PPARGC1A: variants seen among roughly 807,000 people sequenced by gnomAD.
PPARGC1A encodes the protein PPARG coactivator 1 alpha.
PPARGC1A carries 25 observed loss-of-function variants against 88.7 expected under a neutral mutation model. That is an observed-to-expected ratio of 0.28 (90% CI 0.21 to 0.39). The LOEUF (loss-of-function observed/expected upper bound fraction) is 0.39, where lower values mean the gene tolerates loss of function less well. Among genes scored for constraint, PPARGC1A ranks in the 10% least tolerant of loss-of-function variants. The pLI, the probability that PPARGC1A is intolerant of heterozygous loss-of-function variation, is 1.00. For missense variants in PPARGC1A, 880 were observed against 968.7 expected (o/e 0.91, Z 1.22); for synonymous variants, 363 against 355.6 (o/e 1.02, Z -0.24).
At chr4:24,166,838 G>C in the PPARGC1A span, among the ~76,000 whole-genome samples, 11 of 152,126 alleles carry the variant, frequency 7.2e-5, no homozygotes. Flanking sequence ...ACTTCTCATT[G>C]ACAATACACC....
chr4:24,095,076 C>T, the PPARGC1A span, among the ~76,000 whole-genome samples: 3 of 151,626 alleles, frequency 2.0e-5, no homozygotes, highest in African/African-American at 7.3e-5. Flanking sequence ...GTCCTAACCC[C>T]CATTACTTTA....
the PPARGC1A span, among the ~76,000 whole-genome samples, chr4:24,137,565 C>G: frequency 6.6e-6 from 1 of 152,118 alleles, no homozygotes; most frequent in Non-Finnish European, 1.5e-5. Context: ...ATTGCCTAAA[C>G]AGGATACAGT....
chr4:24,182,627 G>A, the PPARGC1A span, among the ~76,000 whole-genome samples: 236 of 152,208 alleles, frequency 1.6e-3, no homozygotes, highest in African/African-American at 5.3e-3. Context: ...GTGTAAAAGC[G>A]TCCCTATTTC....
At chr4:24,435,482 T>C in the PPARGC1A span, among the ~76,000 whole-genome samples, 2 of 152,140 alleles carry the variant, frequency 1.3e-5, no homozygotes, top group Non-Finnish European at 2.9e-5. Context: ...CTCACCTAGA[T>C]CATGGCTCCC....
chr4:24,306,950 G>T, the PPARGC1A span, among the ~76,000 whole-genome samples: 9 of 152,224 alleles, frequency 5.9e-5, no homozygotes, highest in African/African-American at 2.2e-4. Context: ...CCAGGGTACT[G>T]AAAAATTGAA....
chr4:24,411,831 C>T, the PPARGC1A span, among the ~76,000 whole-genome samples: 1 of 152,184 alleles, frequency 6.6e-6, no homozygotes, highest in African/African-American at 2.4e-5. Flanking sequence ...TCCTCCATGT[C>T]TTTTCATGCT....
intron 10 of PPARGC1A, among the ~76,000 whole-genome samples, chr4:23,807,776 A>C (rs1403590040): frequency 2.6e-5 from 4 of 151,880 alleles, no homozygotes; most frequent in African/African-American, 9.7e-5. Flanking sequence ...TGTGAATAAC[A>C]TGAAATCTAT....
intron 5 of PPARGC1A, 28 bp downstream of exon 5, chr4:23,828,372 C>T (rs1399851241): frequency 6.3e-7 from 1 of 1,592,344 alleles, no homozygotes; most frequent in Admixed American, 1.7e-5. Flanking sequence ...GTGCCCTCAC[C>T]AACAGCTCGT....
chr4:24,459,590 G>A, the PPARGC1A span, among the ~76,000 whole-genome samples: 1 of 152,084 alleles, frequency 6.6e-6, no homozygotes, highest in Non-Finnish European at 1.5e-5. Flanking sequence ...AGGAGTTCGA[G>A]ACCAGCCTGG....
chr4:23,934,080 A>C, the PPARGC1A span, among the ~76,000 whole-genome samples: 1 of 152,184 alleles, frequency 6.6e-6, no homozygotes, highest in Non-Finnish European at 1.5e-5. Context: ...GCAGTCTCAA[A>C]GTTTTAAAGG....
At chr4:24,057,805 A>G in the PPARGC1A span, among the ~76,000 whole-genome samples, 1 of 152,258 alleles carries the variant, frequency 6.6e-6, no homozygotes, top group Non-Finnish European at 1.5e-5. Flanking sequence ...CGAGCTGAGT[A>G]GGCCCAGTGT....
the PPARGC1A span, among the ~76,000 whole-genome samples, chr4:24,168,628 AACAC>A: frequency 2.0e-5 from 3 of 148,260 alleles, no homozygotes; most frequent in Admixed American, 6.7e-5. Flanking sequence ...CACACACACA[AACAC>A]ACAGACATAG....
At chr4:24,175,375 GTTT>G in the PPARGC1A span, among the ~76,000 whole-genome samples, 1 of 114,984 alleles carries the variant, frequency 8.7e-6, no homozygotes. Flanking sequence ...TCTTTGTTTC[GTTT>G]TTTTTTTTTT....
chr4:24,270,887 C>A, the PPARGC1A span, among the ~76,000 whole-genome samples: 9 of 152,064 alleles, frequency 5.9e-5, no homozygotes, highest in Non-Finnish European at 1.3e-4. Context: ...TTAAATAATT[C>A]TTTCTGGTTT....
chr4:24,342,690 T>G, the PPARGC1A span, among the ~76,000 whole-genome samples: 3 of 152,192 alleles, frequency 2.0e-5, no homozygotes, highest in Non-Finnish European at 4.4e-5. Context: ...GCAAAGTGAT[T>G]AAAAACAAAA....
the PPARGC1A span, among the ~76,000 whole-genome samples, chr4:24,297,566 A>C: frequency 2.6e-5 from 4 of 152,220 alleles, no homozygotes; most frequent in African/African-American, 7.2e-5. Context: ...GGGTCAATGC[A>C]AAAATGATTC....
At chr4:23,981,661 C>T in the PPARGC1A span, among the ~76,000 whole-genome samples, 8 of 152,168 alleles carry the variant, frequency 5.3e-5, no homozygotes, top group Non-Finnish European at 1.0e-4. Flanking sequence ...GAGACCAGAA[C>T]CCCCTAATAC....
chr4:24,180,445 G>A, the PPARGC1A span, among the ~76,000 whole-genome samples: 16 of 152,032 alleles, frequency 1.1e-4, no homozygotes, highest in East Asian at 3.9e-4. Flanking sequence ...TCATCATTCC[G>A]GCTACGCTCT....
At chr4:24,422,491 T>C in the PPARGC1A span, among the ~76,000 whole-genome samples, 7,758 of 152,310 alleles carry the variant, frequency 0.051, 216 homozygotes, top group Middle Eastern at 0.078. Flanking sequence ...GCTTTCCATC[T>C]TTCATTCTCA....
Sources: allele counts gnomAD v4.1 joint callset (sites outside exome capture counted in the v4.1 genomes callset), GRCh38; gene constraint gnomAD v4.1.1; transcripts MANE v1.5; gene names NCBI Gene and HGNC (gene_info 2026-07-23, HGNC 2026-07-21).